ATP10B: variants seen among roughly 807,000 people sequenced by gnomAD.
ATP10B encodes ATPase phospholipid transporting 10B (putative), also known as phospholipid-transporting ATPase VB.
Under a neutral mutation model 141.2 loss-of-function variants are expected in ATP10B, and 122 were observed. That is an observed-to-expected ratio of 0.86 (90% CI 0.75 to 1.00). The LOEUF (loss-of-function observed/expected upper bound fraction) is 1.00. Ranked by LOEUF, ATP10B falls within the 50% of genes least tolerant of loss-of-function variation. The pLI, the probability that ATP10B is intolerant of heterozygous loss-of-function variation, is 0.00. For missense variants in ATP10B, 1,876 were observed against 1,825.3 expected (o/e 1.03, Z -0.51); for synonymous variants, 685 against 692.0 (o/e 0.99, Z 0.16).
rs1178439671 is a variant in ATP10B, at chr5:160,634,388, G to A, written c.1347C>T (p.Thr449=). 1 of 1,614,160 alleles carries A rather than the reference G, an allele frequency of 6.2e-7. No individual in the cohort carries two copies. The highest frequency in any genetic ancestry group is 8.5e-7 in the Non-Finnish European group (1 of 1,180,028). The change falls in exon 12 of 26, where the codon ACC becomes ACT. Residue 449 remains threonine (T), a synonymous_variant. Transcript: ENST00000327245. ...GGTGAGAATACTCGCTGCCCATGAT[G>A]GTGCAACGTCGGAACACCATCTTGT... ...TENKMVFRRC[T]IMGSEYSHQE... is the part of the protein sequence containing the mutation.
intron 1 of ATP10B, among the ~76,000 whole-genome samples, chr5:160,793,618 G>A (rs1336804603): frequency 6.6e-6 from 1 of 152,096 alleles, no homozygotes; most frequent in African/African-American, 2.4e-5. Context: ...ACATTGTATT[G>A]CAATTACTTT....
intron 3 of ATP10B, chr5:160,691,654 AG>A (rs1764083243): frequency 6.6e-6 from 1 of 152,148 alleles, no homozygotes; most frequent in South Asian, 2.1e-4. Flanking sequence ...TAGGAAAAAA[AG>A]TTTTATTTCT....
intron 1 of ATP10B, among the ~76,000 whole-genome samples, chr5:160,816,047 A>G (rs559638412): frequency 1.3e-4 from 20 of 152,046 alleles, no homozygotes; most frequent in Admixed American, 2.6e-4. Flanking sequence ...CTAAATGCCC[A>G]CAAGAGAAAG....
chr5:160,585,953 G>A (rs1187046821), intron 24 of ATP10B, among the ~76,000 whole-genome samples: 1 of 152,094 alleles, frequency 6.6e-6, no homozygotes, highest in African/African-American at 2.4e-5. Context: ...ACACATTGGA[G>A]CAGGATTTTA....
At chr5:160,643,459 G>A (rs947662898) in intron 9 of ATP10B, among the ~76,000 whole-genome samples, 1 of 152,164 alleles carries the variant, frequency 6.6e-6, no homozygotes, top group Non-Finnish European at 1.5e-5. Flanking sequence ...GCGTACCTAC[G>A]AGCACTGGTG....
chr5:160,690,607 GGTC>G (rs1764021343), intron 3 of ATP10B, among the ~76,000 whole-genome samples: 1 of 152,158 alleles, frequency 6.6e-6, no homozygotes, highest in Admixed American at 6.5e-5. Context: ...ATGAAAAAAA[GGTC>G]ATCATCACTA....
At chr5:160,863,630 C>CA in the ATP10B span, among the ~76,000 whole-genome samples, 4 of 150,970 alleles carry the variant, frequency 2.6e-5, no homozygotes, top group African/African-American at 7.3e-5. Context: ...GAAATTGAAA[C>CA]AAAAAAATAC....
chr5:160,726,287 G>A (rs1766354519), intron 2 of ATP10B, among the ~76,000 whole-genome samples: 1 of 152,230 alleles, frequency 6.6e-6, no homozygotes, highest in Non-Finnish European at 1.5e-5. Flanking sequence ...GCCCAGCCAT[G>A]TAGGCCCAGA....
the ATP10B span, among the ~76,000 whole-genome samples, chr5:160,857,265 T>G: frequency 1.3e-5 from 2 of 151,744 alleles, no homozygotes; most frequent in African/African-American, 4.8e-5. Context: ...AGTATCTATT[T>G]TGCATTCAGT....
At chr5:160,889,008 C>A in the ATP10B span, among the ~76,000 whole-genome samples, 1 of 152,092 alleles carries the variant, frequency 6.6e-6, no homozygotes, top group African/African-American at 2.4e-5. Flanking sequence ...ACAAAATCTA[C>A]TGTGGGGAAA....
intron 2 of ATP10B, among the ~76,000 whole-genome samples, chr5:160,730,181 A>T (rs1306364129): frequency 1.3e-5 from 2 of 152,166 alleles, no homozygotes; most frequent in East Asian, 3.9e-4. Flanking sequence ...GAGTTTACCT[A>T]TTCTTGTTCT....
chr5:160,695,519 TGTA>T (rs1473204398), intron 3 of ATP10B, among the ~76,000 whole-genome samples: 1 of 148,846 alleles, frequency 6.7e-6, no homozygotes, highest in Non-Finnish European at 1.5e-5. Flanking sequence ...TGTGTGTGTG[TGTA>T]TGTGCTGTGT....
chr5:160,758,392 T>C (rs547387405), intron 2 of ATP10B, among the ~76,000 whole-genome samples: 1 of 152,296 alleles, frequency 6.6e-6, no homozygotes, highest in Non-Finnish European at 1.5e-5. Context: ...ACTTGATACA[T>C]GGCAGATATT....
chr5:160,914,401 A>G, the ATP10B span, among the ~76,000 whole-genome samples: 146 of 152,338 alleles, frequency 9.6e-4, 3 homozygotes, highest in East Asian at 0.023. Context: ...TGTAGATACT[A>G]AAATCTGTGG....
the ATP10B span, among the ~76,000 whole-genome samples, chr5:160,900,908 GTTTTTTTTTTT>G: frequency 6.7e-5 from 6 of 88,954 alleles, no homozygotes; most frequent in Admixed American, 1.4e-4. Flanking sequence ...GGGTAGAGAA[GTTTTTTTTTTT>G]TTTTTTTTTT....
At position 160,723,910 on chromosome 5, in the gene ATP10B, G is replaced by T. The variant is rs192098553; in HGVS notation, c.-330-6876C>A. Among the ~76,000 whole-genome samples the T allele has an allele frequency of 1.8e-4, 28 of 152,192 alleles. No homozygotes were observed. The South Asian group carries it at 5.8e-3, about 32-fold the overall frequency. On this transcript the variant is annotated intron_variant, in intron 2 of 25. Coordinates refer to ENST00000327245, the MANE Select transcript of ATP10B (RefSeq NM_025153.3). ...GCCCATCAATGATAGACTGGATAAA[G>T]AAAATATGGTACATATACACCATGG...
chr5:160,565,806 C>T lies in ATP10B; in HGVS notation c.4033G>A (p.Glu1345Lys). 6.2e-7 allele frequency: 1 copy of T among 1,614,044 alleles called. No individual in the cohort carries two copies. Among genetic ancestry groups the T allele is most frequent in the Non-Finnish European group, 8.5e-7 (1 of 1,179,966 alleles). Residue 1345 changes from glutamate (E) to lysine (K), a missense_variant, in exon 26 of 26, where the codon GAA becomes AAA. By Grantham distance (56) the Glu-to-Lys change is moderately conservative. Coordinates refer to ENST00000327245, the MANE Select transcript of ATP10B (RefSeq NM_025153.3). ...TGTCTGCTTCTCCAACTCTGGATTTCCAGGTTTCTTTTGTCTGGGGGGAGT... is the reference window on the plus strand; with the variant it reads ...TGTCTGCTTCTCCAACTCTGGATTTTCAGGTTTCTTTTGTCTGGGGGGAGT... ...DKLPPDKRNL[E>K]IQSWRSRQRP... is the part of the protein sequence containing the mutation.
chr5:160,863,516 G>A, the ATP10B span, among the ~76,000 whole-genome samples: 3 of 151,780 alleles, frequency 2.0e-5, no homozygotes, highest in African/African-American at 7.3e-5. Context: ...GTGTGAAAAA[G>A]CATAAATAGA....
At chr5:160,880,277 G>T in the ATP10B span, among the ~76,000 whole-genome samples, 1 of 145,366 alleles carries the variant, frequency 6.9e-6, no homozygotes, top group East Asian at 2.0e-4. Flanking sequence ...TAATATAAAA[G>T]AAACTATGAT....
Sources: allele counts gnomAD v4.1 joint callset (sites outside exome capture counted in the v4.1 genomes callset), GRCh38; gene constraint gnomAD v4.1.1; transcripts MANE v1.5; gene names NCBI Gene and HGNC (gene_info 2026-07-23, HGNC 2026-07-21).